The following TFEB variants were observed in gnomAD, a reference collection of about 807,000 sequenced individuals.
TFEB encodes T-cell transcription factor EB.
A neutral mutation model predicts 48.0 loss-of-function variants in TFEB; 12 were observed. The observed-to-expected ratio is 0.25, with a 90% CI of 0.16 to 0.40. TFEB has a LOEUF of 0.40. Ranked by LOEUF, TFEB falls within the 10% of genes least tolerant of loss-of-function variation. TFEB has a pLI of 1.00. For missense variants in TFEB, 509 were observed against 640.3 expected (o/e 0.79, Z 2.21); for synonymous variants, 244 against 261.4 (o/e 0.93, Z 0.64).
In TFEB at chr6:41,684,893, G is replaced by A; in HGVS notation, c.1137C>T (p.Ala379=). Reference sequence around the variant, plus strand: ...GTGGCTGGGTGGGCAGGGGCAGCGGGGCTTGCGGGGGCAGAGCTGGCAGTG... The same window carrying A: ...GTGGCTGGGTGGGCAGGGGCAGCGGAGCTTGCGGGGGCAGAGCTGGCAGTG... ...PEPLPALPPQ[A]PLPLPTQPPS... Residue 379 remains alanine (A), a synonymous_variant, in exon 9 of 9, where the codon GCC becomes GCT. Transcript: ENST00000373033. 1 of 1,569,254 alleles carries A rather than the reference G, an allele frequency of 6.4e-7. No individual in the cohort carries two copies. Among genetic ancestry groups the A allele is most frequent in the Non-Finnish European group, 8.6e-7 (1 of 1,156,666 alleles).
chr6:41,724,585 G>A lies in TFEB; in HGVS notation c.-23+10765C>T, dbSNP rs1771128010. On this transcript the variant is annotated intron_variant, in intron 1 of 8. Coordinates refer to ENST00000373033, the MANE Select transcript of TFEB (RefSeq NM_001271944.2). The surrounding 1 kb of genome is among the most constrained non-coding windows in gnomAD (Gnocchi z 4.4). ...AAGGATGAGTAGGAGCCAGGCCTGGGTGTGCAGAGCCCCCAGGGAGGACCT... is the reference window on the plus strand; with the variant it reads ...AAGGATGAGTAGGAGCCAGGCCTGGATGTGCAGAGCCCCCAGGGAGGACCT... 6.6e-6 allele frequency among the ~76,000 whole-genome samples: 1 copy of A among 152,116 alleles called. No individual in the cohort carries two copies.
chr6:41,699,036 A>T (rs902190755), intron 1 of TFEB, among the ~76,000 whole-genome samples: 6 of 152,226 alleles, frequency 3.9e-5, no homozygotes, highest in Non-Finnish European at 5.9e-5. Context: ...CCCAGGAGCC[A>T]GCAGTCCTGC....
At chr6:41,700,441 G>A (rs1262253341) in intron 1 of TFEB, among the ~76,000 whole-genome samples, 1 of 148,956 alleles carries the variant, frequency 6.7e-6, no homozygotes, top group Non-Finnish European at 1.5e-5. Context: ...ACTCCAGCCT[G>A]GGCGACAGAG....
chr6:41,709,847 C>T (rs531123041), intron 1 of TFEB, among the ~76,000 whole-genome samples: 3 of 152,160 alleles, frequency 2.0e-5, no homozygotes, highest in African/African-American at 7.2e-5. Flanking sequence ...AGTGCAGTGG[C>T]GCAACCACAT....
At chr6:41,711,073 T>C (rs377526945) in intron 1 of TFEB, among the ~76,000 whole-genome samples, 14 of 152,366 alleles carry the variant, frequency 9.2e-5, no homozygotes, top group African/African-American at 2.9e-4. Context: ...CTAAAACTTG[T>C]ATTGAGTTGT....
rs769208923 is a variant in TFEB, at chr6:41,734,129, T to C, written c.-23+1221A>G. 7.3e-5 allele frequency: 13 copies of C among 177,114 alleles called. No individual in the cohort carries two copies. The highest frequency in any genetic ancestry group is 1.4e-4 in the Non-Finnish European group (13 of 91,092). The allele number at this position is 177,114 out of a possible 1,614,324, so 11.0% of individuals were successfully genotyped here. ...TCTAAGCCAAAAACTGCGCTCAAGT[T>C]GAGTGCAGAAGCTCCGCGCTGAACC... is the stretch of plus-strand genomic sequence containing the variant. On this transcript the variant is annotated intron_variant, in intron 1 of 8. Coordinates refer to ENST00000373033, the MANE Select transcript of TFEB (RefSeq NM_001271944.2). The surrounding 1 kb of genome is among the most constrained non-coding windows in gnomAD (Gnocchi z 4.0).
chr6:41,688,130 T>C, intron 4 of TFEB, 102 bp from the exon 5 acceptor site: 1 of 1,421,202 alleles, frequency 7.0e-7, no homozygotes, highest in Non-Finnish European at 9.4e-7. Flanking sequence ...TGGGGACACC[T>C]GGAGTGTCAA....
In TFEB at chr6:41,706,819, C is replaced by A. The variant is rs543187358; in HGVS notation, c.-22-15584G>T. 2.6e-5 allele frequency among the ~76,000 whole-genome samples: 4 copies of A among 151,944 alleles called. No individual in the cohort carries two copies. The East Asian group carries it at 7.8e-4, about 29-fold the overall frequency. Reference sequence around the variant, plus strand: ...GCTGTCCCCCAACCTGCCCCCATCTCCCCCCGCCCACACCCAGGTATGAAA... The same window carrying A: ...GCTGTCCCCCAACCTGCCCCCATCTACCCCCGCCCACACCCAGGTATGAAA... On this transcript the variant is annotated intron_variant, in intron 1 of 8. Transcript: ENST00000373033.
intron 1 of TFEB, among the ~76,000 whole-genome samples, chr6:41,697,408 C>CAAAAAAAAAA (rs56059829): frequency 0.036 from 2,284 of 63,222 alleles, 221 homozygotes; most frequent in Non-Finnish European, 0.043. Context: ...AACTCCATCT[C>CAAAAAAAAAA]AAAAAAAAAA....
upstream of TFEB, chr6:41,736,036 C>T (rs969993104): frequency 9.2e-6 from 13 of 1,412,864 alleles, no homozygotes; most frequent in East Asian, 2.1e-4. Flanking sequence ...TTATCCCTGC[C>T]CCGATCATAA....
chr6:41,707,083 T>C (rs1267924671), intron 1 of TFEB, among the ~76,000 whole-genome samples: 1 of 152,006 alleles, frequency 6.6e-6, no homozygotes, highest in Non-Finnish European at 1.5e-5. Flanking sequence ...GCTGCTCTGC[T>C]TTCCCCCATA....
chr6:41,725,374 A>G (rs961671979), intron 1 of TFEB, among the ~76,000 whole-genome samples: 4 of 152,208 alleles, frequency 2.6e-5, no homozygotes, highest in Non-Finnish European at 5.9e-5. Context: ...GCACCTGCCA[A>G]TTCCAAATTG....
intron 1 of TFEB, among the ~76,000 whole-genome samples, chr6:41,718,887 G>C (rs1238135784): frequency 6.6e-6 from 1 of 152,144 alleles, no homozygotes; most frequent in Non-Finnish European, 1.5e-5. Flanking sequence ...ATTCCTGACA[G>C]CTCTGGAGAT....
Position 41,690,838 on chromosome 6 carries a change from T to G in TFEB, c.293A>C (p.Glu98Ala), listed in dbSNP as rs1769267378. 6.2e-7 allele frequency: 1 copy of G among 1,612,844 alleles called. No individual in the cohort carries two copies. The highest frequency in any genetic ancestry group is 1.7e-5 in the Admixed American group (1 of 59,946). The change falls in exon 3 of 9, where the codon GAG becomes GCG. Residue 98 changes from glutamate (E) to alanine (A), a missense_variant. Coordinates refer to ENST00000373033, the MANE Select transcript of TFEB (RefSeq NM_001271944.2). ...QHQKVREYLS[E>A]TYGNKFAAHI... ...GGCAGCAAACTTGTTCCCATAGGTCTCGGACAGGTACTCCCGCACCTTCTG... is the reference window on the plus strand; with the variant it reads ...GGCAGCAAACTTGTTCCCATAGGTCGCGGACAGGTACTCCCGCACCTTCTG...
intron 1 of TFEB, among the ~76,000 whole-genome samples, chr6:41,729,315 C>T (rs1380042557): frequency 6.6e-6 from 1 of 152,068 alleles, no homozygotes; most frequent in Non-Finnish European, 1.5e-5. Flanking sequence ...CCTCCCCCTA[C>T]CCTCCCTACA....
chr6:41,694,948 C>G (rs1156463988), intron 1 of TFEB, among the ~76,000 whole-genome samples: 1 of 152,124 alleles, frequency 6.6e-6, no homozygotes, highest in Non-Finnish European at 1.5e-5. Context: ...CATGGCTGCC[C>G]CCATCAACAC....
chr6:41,700,327 A>G (rs1050670446), intron 1 of TFEB, among the ~76,000 whole-genome samples: 11 of 152,036 alleles, frequency 7.2e-5, no homozygotes, highest in African/African-American at 2.2e-4. Flanking sequence ...TTAGCCGGGC[A>G]TGGTGGCGGG....
intron 1 of TFEB, among the ~76,000 whole-genome samples, chr6:41,708,493 T>C (rs1770339850): frequency 6.6e-6 from 1 of 152,224 alleles, no homozygotes; most frequent in Non-Finnish European, 1.5e-5. Flanking sequence ...AAGACACCTA[T>C]CACTTGACTG....
intron 1 of TFEB, among the ~76,000 whole-genome samples, chr6:41,701,087 C>T (rs768357913): frequency 3.9e-5 from 6 of 152,258 alleles, no homozygotes; most frequent in Non-Finnish European, 7.3e-5. Context: ...CCCATGTGGA[C>T]GCTCTGTCTC....
Sources: gnomAD v4.1 joint callset for allele counts (sites outside exome capture counted in the v4.1 genomes callset) on GRCh38, gnomAD v4.1.1 for gene constraint, Gnocchi (gnomAD v3.1) non-coding constraint, MANE v1.5 for transcripts, NCBI Gene and HGNC (gene_info 2026-07-23, HGNC 2026-07-21) for gene names.